CSPG4: variants seen among roughly 807,000 people sequenced by gnomAD.
The protein encoded by CSPG4 is chondroitin sulfate proteoglycan 4 (melanoma-associated).
In CSPG4, 74 loss-of-function variants were observed where a neutral mutation model predicts 139.3. That is an observed-to-expected ratio of 0.53 (90% CI 0.44 to 0.64). The LOEUF is 0.64. Among genes scored for constraint, CSPG4 ranks in the 30% least tolerant of loss-of-function variants. The pLI, the probability that CSPG4 is intolerant of heterozygous loss-of-function variation, is 0.00. For synonymous variants in CSPG4, 1,234 were observed against 1,394.2 expected (o/e 0.89, Z 2.56); for missense variants, 2,565 against 3,148.3 (o/e 0.81, Z 4.43).
At position 75,698,438 on chromosome 15, in the gene CSPG4, ACCTCAGGTCAGTTCC is replaced by A. The variant is rs1477559012; in HGVS notation, c.89-5220_89-5206del. Among the ~76,000 whole-genome samples, 1 of 151,624 alleles carries A rather than the reference ACCTCAGGTCAGTTCC, an allele frequency of 6.6e-6. No homozygotes were observed. Among genetic ancestry groups the A allele is most frequent in the African/African-American group, 2.4e-5 (1 of 41,202 alleles). ...TCCCTGAGGTCACCTGGCCCTCTAG[ACCTCAGGTCAGTTCC>A]CCTCCCCTCCCCTTGCACCTCCAAG... On this transcript the variant is annotated intron_variant, in intron 1 of 9. Transcript: ENST00000308508. This position sits in a 1 kb window ranked among gnomAD's most constrained non-coding sequence, Gnocchi z 4.3.
chr15:75,705,825 G>A (rs1272257458), intron 1 of CSPG4, among the ~76,000 whole-genome samples: 2 of 152,206 alleles, frequency 1.3e-5, no homozygotes, highest in East Asian at 1.9e-4. Flanking sequence ...AGGGTGGGAA[G>A]TAAAAGTGTG....
chr15:75,690,264 G>A lies in CSPG4; in HGVS notation c.801C>T (p.Gly267=), dbSNP rs1894144596. 1 of 1,613,260 alleles carries A rather than the reference G, an allele frequency of 6.2e-7. No homozygotes were observed. Among genetic ancestry groups the A allele is most frequent in the Non-Finnish European group, 8.5e-7 (1 of 1,179,806 alleles). Residue 267 remains glycine, a synonymous_variant, in exon 3 of 10, where the codon GGC becomes GGT. Coordinates refer to ENST00000308508, the MANE Select transcript of CSPG4 (RefSeq NM_001897.5). The stretch of plus-strand genomic sequence containing the variant: ...TGTTGTGGAGCAATACGGTACCCTG[G>A]CCCTTCTCCACCACGGCCCGCAGGT... The part of the protein sequence containing the change: ...EGHLRAVVEK[G]QGTVLLHNSV...
At chr15:75,697,715 C>G (rs76807356) in intron 1 of CSPG4, among the ~76,000 whole-genome samples, 1 of 152,162 alleles carries the variant, frequency 6.6e-6, no homozygotes, top group East Asian at 1.9e-4. Context: ...TCTGGGAGCC[C>G]GGAGCTGCTG....
rs1893903727 is a variant in CSPG4, at chr15:75,677,021, G to A, written c.5498C>T (p.Pro1833Leu). 7.0e-7 allele frequency: 1 copy of A among 1,438,564 alleles called. No individual in the cohort carries two copies. Among genetic ancestry groups the A allele is most frequent in the Non-Finnish European group, 9.2e-7 (1 of 1,089,448 alleles). 89.1% of individuals were successfully genotyped at this position (1,438,564 alleles called of 1,614,324 possible). Residue 1833 changes from proline (P) to leucine (L), a missense_variant, in exon 10 of 10, where the codon CCT becomes CTT. By Grantham distance (98) the Pro-to-Leu change is moderately conservative. Coordinates refer to ENST00000308508, the MANE Select transcript of CSPG4 (RefSeq NM_001897.5). The part of the protein sequence containing the change: ...ITVRDVNERP[P>L]QPQASVPLRL... ...GAGTGGGACAGAGGCCTGTGGCTGAGGGGGCCGCTCATTTACATCCCTCAC... is the reference window on the plus strand; with the variant it reads ...GAGTGGGACAGAGGCCTGTGGCTGAAGGGGCCGCTCATTTACATCCCTCAC...
chr15:75,706,635 TG>T (rs1894377318), intron 1 of CSPG4, among the ~76,000 whole-genome samples: 1 of 152,010 alleles, frequency 6.6e-6, no homozygotes, highest in Admixed American at 6.6e-5. Context: ...AACAGGCTCC[TG>T]GGGGTGGCGA....
chr15:75,698,273 G>A lies in CSPG4; in HGVS notation c.89-5040C>T, dbSNP rs1222523454. On this transcript the variant is annotated intron_variant, in intron 1 of 9. Transcript: ENST00000308508. The surrounding 1 kb of genome is among the most constrained non-coding windows in gnomAD (Gnocchi z 4.3). ...GGATGGGGTATTCTGGGAGGGCCAA[G>A]GCCGGGATGAAGGGCTCTCTGTCTC... Among the ~76,000 whole-genome samples, 5 of 151,922 alleles carry A rather than the reference G, an allele frequency of 3.3e-5. No homozygotes were observed. The highest frequency in any genetic ancestry group is 1.3e-4 in the Admixed American group (2 of 15,262).
Position 75,697,067 on chromosome 15 carries a change from A to G in CSPG4, c.89-3834T>C, listed in dbSNP as rs532038121. Among the ~76,000 whole-genome samples, 669 of 151,798 alleles carry G rather than the reference A, an allele frequency of 4.4e-3. 2 individuals carry two copies. The highest frequency in any genetic ancestry group is 0.014 in the Middle Eastern group (4 of 294). On this transcript the variant is annotated intron_variant, in intron 1 of 9. Coordinates refer to ENST00000308508, the MANE Select transcript of CSPG4 (RefSeq NM_001897.5). ...CCCATCAGGCCCGCCTCCCCCGGCC[A>G]GGGCCCCACCTTCCCCAGCCAGGCC...
rs1354955268 is a variant in CSPG4 at position 75,696,557 on chromosome 15, TGTGCCCGGGCCTGTCCTGCCCTTCG to T, written c.89-3349_89-3325del. On this transcript the variant is annotated intron_variant, in intron 1 of 9. Coordinates refer to ENST00000308508, the MANE Select transcript of CSPG4 (RefSeq NM_001897.5). The surrounding 1 kb of genome is among the most constrained non-coding windows in gnomAD (Gnocchi z 4.2). ...GGAGCTGCCAGGACAGAGCAATGATTGTGCCCGGGCCTGTCCTGCCCTTCGGTGCCCGCCTGCCATTACTTGGCTG... is the reference window on the plus strand; with the variant it reads ...GGAGCTGCCAGGACAGAGCAATGATTGTGCCCGCCTGCCATTACTTGGCTG... Among the ~76,000 whole-genome samples the T allele has an allele frequency of 2.0e-5, 3 of 152,100 alleles. No individual in the cohort carries two copies. The highest frequency in any genetic ancestry group is 4.8e-5 in the African/African-American group (2 of 41,408).
At chr15:75,684,685 C>T in intron 5 of CSPG4, 51 bp downstream of exon 5, 1 of 1,569,546 alleles carries the variant, frequency 6.4e-7, no homozygotes, top group Non-Finnish European at 8.7e-7. Flanking sequence ...GTAGGGGACG[C>T]TGGCCTCTTT....
rs1429918314 is a variant in CSPG4, at chr15:75,676,467, A to T, written c.6052T>A (p.Ser2018Thr). The change falls in exon 10 of 10, where the codon TCC becomes ACC. Residue 2018 changes from serine to threonine, a missense_variant. Transcript: ENST00000308508. ...GEVVFAFTNFSSSHDHFRVLA... is the reference protein window; with the variant it reads ...GEVVFAFTNFTSSHDHFRVLA... Reference sequence around the variant, plus strand: ...ACTCTGAAGTGGTCATGAGAGGAGGAGAAGTTGGTGAAGGCAAAGACCACC... The same window carrying T: ...ACTCTGAAGTGGTCATGAGAGGAGGTGAAGTTGGTGAAGGCAAAGACCACC... The T allele has an allele frequency of 3.7e-6, 6 of 1,613,826 alleles. No homozygotes were observed. The Admixed American group carries it at 6.7e-5, about 18-fold the overall frequency.
chr15:75,687,359 G>C lies in CSPG4; in HGVS notation c.3706C>G (p.Leu1236Val). The change falls in exon 3 of 10, where the codon CTG becomes GTG. Residue 1236 changes from leucine (L) to valine (V), a missense_variant. By Grantham distance (32) the Leu-to-Val change is conservative (BLOSUM62 1). Around this residue, in one of 5 missense-constraint regions of CSPG4, gnomAD observed 2,316 missense variants for 2,818.2 expected, o/e 0.82. Transcript: ENST00000308508. The surrounding 1 kb of genome is among the most constrained non-coding windows in gnomAD (Gnocchi z 5.4). ...LQVTIALEGP[L>V]APLKLVRHKK... ...TGCCGGACCAGCTTCAGTGGGGCCA[G>C]TGGGCCCTCTAGGGCAATGGTCACT... The C allele has an allele frequency of 6.2e-7, 1 of 1,612,876 alleles. No individual in the cohort carries two copies. The highest frequency in any genetic ancestry group is 1.1e-5 in the South Asian group (1 of 91,080).
chr15:75,710,216 G>A (rs1039287526), intron 1 of CSPG4, among the ~76,000 whole-genome samples: 9 of 152,170 alleles, frequency 5.9e-5, no homozygotes, highest in African/African-American at 2.2e-4. Flanking sequence ...CTTTCAGTCA[G>A]TGATGCCAGG....
intron 1 of CSPG4, among the ~76,000 whole-genome samples, chr15:75,697,795 A>T (rs530437359): frequency 4.6e-5 from 7 of 152,200 alleles, no homozygotes; most frequent in African/African-American, 1.7e-4. Flanking sequence ...TATGTGGGGG[A>T]GGGACACCCA....
intron 1 of CSPG4, among the ~76,000 whole-genome samples, chr15:75,702,122 T>A (rs1014602850): frequency 9.2e-5 from 14 of 152,334 alleles, no homozygotes; most frequent in Non-Finnish European, 1.9e-4. Flanking sequence ...TTGCCTTTGG[T>A]GGCTCCCATT....
chr15:75,677,479 C>G (rs975557520), intron 9 of CSPG4, 95 bp from the exon 10 acceptor site: 29 of 1,323,802 alleles, frequency 2.2e-5, no homozygotes, highest in Non-Finnish European at 2.9e-5. Context: ...ATGTGCCTCC[C>G]CCCAACCATC....
Position 75,688,490 on chromosome 15 carries a change from A to T in CSPG4, c.2575T>A (p.Tyr859Asn). The change falls in exon 3 of 10, where the codon TAT (tyrosine) becomes AAT (asparagine). Residue 859 changes from tyrosine (Y) to asparagine (N), a missense_variant. Physicochemically the swap from Tyr to Asn is moderately radical, Grantham distance 143 (BLOSUM62 -2). This residue lies in a region of CSPG4 where 2,316 missense variants were observed against 2,818.2 expected (regional missense o/e 0.82). Coordinates refer to ENST00000308508, the MANE Select transcript of CSPG4 (RefSeq NM_001897.5). ...QDDIQAGRVT[Y>N]GATARASEAV... Reference sequence around the variant, plus strand: ...TCTGAGGCACGTGCTGTGGCCCCATAGGTCACCCGGCCAGCCTGTATGTCA... The same window carrying T: ...TCTGAGGCACGTGCTGTGGCCCCATTGGTCACCCGGCCAGCCTGTATGTCA... The T allele has an allele frequency of 6.2e-7, 1 of 1,613,220 alleles. No individual in the cohort carries two copies. The highest frequency in any genetic ancestry group is 8.5e-7 in the Non-Finnish European group (1 of 1,180,042).
chr15:75,676,596 G>A lies in CSPG4; in HGVS notation c.5923C>T (p.Pro1975Ser), dbSNP rs1163969977. 1.2e-6 allele frequency: 2 copies of A among 1,611,776 alleles called. No homozygotes were observed. The highest frequency in any genetic ancestry group is 1.7e-6 in the Non-Finnish European group (2 of 1,179,326). Residue 1975 changes from proline to serine, a missense_variant, in exon 10 of 10, where the codon CCA (proline) becomes TCA (serine). Around this residue, in one of 5 missense-constraint regions of CSPG4, gnomAD observed 2,316 missense variants for 2,818.2 expected, o/e 0.82. Transcript: ENST00000308508. The stretch of plus-strand genomic sequence containing the variant: ...TGGATGAGGCGGTATGCTGCCTCTG[G>A]CTCCTCCCGATCTGAAACCACCCGG... ...QLRVVSDREE[P>S]EAAYRLIQGP... is the part of the protein sequence containing the mutation.
At chr15:75,686,650 AGAT>A (rs1311819755) in intron 3 of CSPG4, among the ~76,000 whole-genome samples, 1 of 152,232 alleles carries the variant, frequency 6.6e-6, no homozygotes, top group Non-Finnish European at 1.5e-5. Context: ...TCCTGACTCC[AGAT>A]CTGCTGGCTT....
In CSPG4 at chr15:75,682,750, A is replaced by G. The variant is rs757332982; in HGVS notation, c.4649-9T>C. On this transcript the variant is annotated splice_polypyrimidine_tract_variant and intron_variant, in intron 6 of 9. Coordinates refer to ENST00000308508, the MANE Select transcript of CSPG4 (RefSeq NM_001897.5). ...GCCTCCATCCAGGGTTCCTGGGGACAGGGGCATTGGGTCCAGCTGGCCCGA... is the reference window on the plus strand; with the variant it reads ...GCCTCCATCCAGGGTTCCTGGGGACGGGGGCATTGGGTCCAGCTGGCCCGA... 1 of 1,612,262 alleles carries G rather than the reference A, an allele frequency of 6.2e-7. No homozygotes were observed. Among genetic ancestry groups the G allele is most frequent in the Non-Finnish European group, 8.5e-7 (1 of 1,179,602 alleles).
Sources: gnomAD v4.1 joint callset for allele counts (sites outside exome capture counted in the v4.1 genomes callset) on GRCh38, gnomAD v4.1.1 for gene constraint, gnomAD v4.1.1 regional missense constraint, Gnocchi (gnomAD v3.1) non-coding constraint, MANE v1.5 for transcripts, NCBI Gene and HGNC (gene_info 2026-07-23, HGNC 2026-07-21) for gene names.